CHRM3: variants seen among roughly 807,000 people sequenced by gnomAD.
CHRM3 encodes the protein cholinergic receptor muscarinic 3.
A neutral mutation model predicts 41.8 loss-of-function variants in CHRM3; 11 were observed. The observed-to-expected ratio is 0.26, with a 90% CI of 0.17 to 0.44. The LOEUF (loss-of-function observed/expected upper bound fraction) is 0.44. Among genes scored for constraint, CHRM3 ranks in the 20% least tolerant of loss-of-function variants. The probability of loss-of-function intolerance (pLI) is 1.00; values close to 1 mark genes in which losing one functional copy is unlikely to be tolerated. For missense variants in CHRM3, 571 were observed against 745.4 expected (o/e 0.77, Z 2.72); for synonymous variants, 297 against 301.4 (o/e 0.99, Z 0.15).
intron 4 of CHRM3, among the ~76,000 whole-genome samples, chr1:239,632,545 G>A (rs1669967840): frequency 6.6e-6 from 1 of 152,150 alleles, no homozygotes; most frequent in Non-Finnish European, 1.5e-5. Context: ...ATGCACATTT[G>A]TATTTAACTG....
chr1:239,571,320 CA>C (rs1661802932), intron 3 of CHRM3, among the ~76,000 whole-genome samples: 1 of 152,034 alleles, frequency 6.6e-6, no homozygotes, highest in Admixed American at 6.6e-5. Flanking sequence ...AGTATTTTAG[CA>C]AGGAAACAGT....
chr1:239,900,974 T>C (rs1216004684), intron 6 of CHRM3, among the ~76,000 whole-genome samples: 1 of 152,176 alleles, frequency 6.6e-6, no homozygotes, highest in Non-Finnish European at 1.5e-5. Flanking sequence ...AGGTTCCCTG[T>C]TCAGGGTCTC....
At chr1:239,842,631 A>G (rs1673911447) in intron 6 of CHRM3, among the ~76,000 whole-genome samples, 1 of 152,080 alleles carries the variant, frequency 6.6e-6, no homozygotes, top group Non-Finnish European at 1.5e-5. Context: ...ATACGCATCT[A>G]TTTTGCCCCA....
intron 3 of CHRM3, among the ~76,000 whole-genome samples, chr1:239,592,458 C>A (rs1664290325): frequency 6.6e-6 from 1 of 152,130 alleles, no homozygotes; most frequent in African/African-American, 2.4e-5. Context: ...ACCTCCCCAG[C>A]CTTAAGCCAC....
Position 239,711,423 on chromosome 1 carries a change from C to G in CHRM3, c.-147+33135C>G, listed in dbSNP as rs145895675. Among the ~76,000 whole-genome samples, 573 of 152,034 alleles carry G rather than the reference C, an allele frequency of 3.8e-3. 4 individuals carry two copies. Among genetic ancestry groups the G allele is most frequent in the Middle Eastern group, 6.8e-3 (2 of 294 alleles). On this transcript the variant is annotated intron_variant, in intron 5 of 6. Transcript: ENST00000676153. ...AATAATGCTTGGCCACCCAGACCCC[C>G]CATTCCATCCATCAGCCCAAAGATT... is the stretch of plus-strand genomic sequence containing the variant.
Position 239,539,920 on chromosome 1 carries a change from G to A in CHRM3, c.-421-5721G>A, listed in dbSNP as rs1236015557. Among the ~76,000 whole-genome samples the A allele has an allele frequency of 2.0e-5, 3 of 152,132 alleles. No homozygotes were observed. The East Asian group carries it at 5.8e-4, about 29-fold the overall frequency. ...TCATGAGCCACTGCGCTGGCCAAAT[G>A]CCATATTTTTACTTCACCTTTTCTA... On this transcript the variant is annotated intron_variant, in intron 2 of 6. Coordinates refer to ENST00000676153, the MANE Select transcript of CHRM3 (RefSeq NM_001375978.1).
rs766059862 is a variant in CHRM3, at chr1:239,908,720, C to T, written c.1269C>T (p.Ser423=). Residue 423 remains serine, a synonymous_variant, in exon 7 of 7, where the codon AGC becomes AGT. Coordinates refer to ENST00000676153, the MANE Select transcript of CHRM3 (RefSeq NM_001375978.1). This position sits in a 1 kb window ranked among gnomAD's most constrained non-coding sequence, Gnocchi z 7.2. ...ACGATGGAGGCAGTTTTCCAAAAAG[C>T]TTCTCCAAGCTTCCCATCCAGCTAG... is the stretch of plus-strand genomic sequence containing the variant. The part of the protein sequence containing the change: ...SVDDGGSFPK[S]FSKLPIQLES... The T allele has an allele frequency of 6.2e-7, 1 of 1,613,240 alleles. No homozygotes were observed. Among genetic ancestry groups the T allele is most frequent in the Non-Finnish European group, 8.5e-7 (1 of 1,179,682 alleles).
At chr1:239,398,520 G>C (rs899576056) in intron 1 of CHRM3, among the ~76,000 whole-genome samples, 1 of 152,128 alleles carries the variant, frequency 6.6e-6, no homozygotes. Flanking sequence ...TTACAGGCAT[G>C]AGCCACCACG....
At chr1:239,412,778 T>A (rs1661201020) in intron 1 of CHRM3, among the ~76,000 whole-genome samples, 1 of 152,042 alleles carries the variant, frequency 6.6e-6, no homozygotes, top group Non-Finnish European at 1.5e-5. Flanking sequence ...TAATCATAAT[T>A]ATTAGATTAT....
chr1:239,448,201 A>G (rs1231734930), intron 1 of CHRM3, among the ~76,000 whole-genome samples: 1 of 152,238 alleles, frequency 6.6e-6, no homozygotes, highest in East Asian at 1.9e-4. Flanking sequence ...CATGATAACA[A>G]TGGCAACATT....
chr1:239,397,788 A>G (rs1659623925), intron 1 of CHRM3, among the ~76,000 whole-genome samples: 1 of 149,314 alleles, frequency 6.7e-6, no homozygotes, highest in Non-Finnish European at 1.5e-5. Flanking sequence ...GTTGTAAAAG[A>G]TATACCAAAA....
At chr1:239,718,192 G>A (rs1662585232) in intron 5 of CHRM3, among the ~76,000 whole-genome samples, 2 of 151,950 alleles carry the variant, frequency 1.3e-5, no homozygotes, top group African/African-American at 2.4e-5. Flanking sequence ...CATGACAAGC[G>A]GTTCATTGAA....
chr1:239,397,135 C>G (rs1659552073), intron 1 of CHRM3, among the ~76,000 whole-genome samples: 1 of 152,148 alleles, frequency 6.6e-6, no homozygotes, highest in Non-Finnish European at 1.5e-5. Context: ...GAGTGATGAA[C>G]TGCGGGTGAA....
chr1:239,596,585 T>A (rs755196893), intron 3 of CHRM3, among the ~76,000 whole-genome samples: 1 of 152,194 alleles, frequency 6.6e-6, no homozygotes, highest in Non-Finnish European at 1.5e-5. Flanking sequence ...CAAAGATAAG[T>A]ATATACCTGA....
At chr1:239,589,570 T>C (rs1050209528) in intron 3 of CHRM3, among the ~76,000 whole-genome samples, 2 of 147,600 alleles carry the variant, frequency 1.4e-5, no homozygotes, top group Non-Finnish European at 3.0e-5. Flanking sequence ...GTGAAATTTT[T>C]TCATGAACAG....
At chr1:239,806,616 A>T (rs1431818367) in intron 5 of CHRM3, among the ~76,000 whole-genome samples, 1 of 152,230 alleles carries the variant, frequency 6.6e-6, no homozygotes, top group Non-Finnish European at 1.5e-5. Context: ...TGTGGGGATG[A>T]GCCATACAGG....
intron 1 of CHRM3, among the ~76,000 whole-genome samples, chr1:239,471,518 G>A (rs963721946): frequency 1.3e-5 from 2 of 152,166 alleles, no homozygotes; most frequent in Admixed American, 6.5e-5. Flanking sequence ...GAGCCTGAAC[G>A]AAAGACTGGC....
intron 4 of CHRM3, among the ~76,000 whole-genome samples, chr1:239,652,269 T>C (rs865800367): frequency 6.6e-6 from 1 of 152,166 alleles, no homozygotes; most frequent in Non-Finnish European, 1.5e-5. Context: ...ATAAGTTCTT[T>C]CAGTGACTCA....
chr1:239,751,958 C>T (rs660166), intron 5 of CHRM3, among the ~76,000 whole-genome samples: 145,498 of 152,248 alleles, frequency 0.96, 69,873 homozygotes, highest in Middle Eastern at 1. Flanking sequence ...GGACTACATA[C>T]GGGATAGGGA....
Sources: allele counts gnomAD v4.1 joint callset (sites outside exome capture counted in the v4.1 genomes callset), GRCh38; gene constraint gnomAD v4.1.1; non-coding constraint Gnocchi (gnomAD v3.1); transcripts MANE v1.5; gene names NCBI Gene and HGNC (gene_info 2026-07-23, HGNC 2026-07-21).